Variants in DLGAP2 observed in about 807,000 individuals in gnomAD.
The protein encoded by DLGAP2 is DLG associated protein 2.
Under a neutral mutation model 100.3 loss-of-function variants are expected in DLGAP2, and 26 were observed. That is an observed-to-expected ratio of 0.26 (90% CI 0.19 to 0.36). The LOEUF is 0.36. Among genes scored for constraint, DLGAP2 ranks in the 10% least tolerant of loss-of-function variants. The probability of loss-of-function intolerance (pLI) is 1.00; values close to 1 mark genes in which losing one functional copy is unlikely to be tolerated. For synonymous variants in DLGAP2, 886 were observed against 630.1 expected, an observed-to-expected ratio of 1.41 and a Z score of -6.08; for missense variants, 1,858 against 1,453.2, an observed-to-expected ratio of 1.28 and a Z score of -4.53.
intron 2 of DLGAP2, among the ~76,000 whole-genome samples, chr8:1,142,829 C>G (rs1376669207): frequency 6.6e-6 from 1 of 152,002 alleles, no homozygotes; most frequent in Admixed American, 6.6e-5. Context: ...AGAGACCTGG[C>G]GGGAGGAGGA....
chr8:1,325,082 C>G (rs907875540), intron 3 of DLGAP2, among the ~76,000 whole-genome samples: 13 of 152,164 alleles, frequency 8.5e-5, no homozygotes, highest in African/African-American at 2.9e-4. Context: ...CATCCTTGGC[C>G]TCCACCTCAC....
chr8:1,196,843 C>T (rs752609392), intron 2 of DLGAP2, among the ~76,000 whole-genome samples: 30 of 152,128 alleles, frequency 2.0e-4, no homozygotes, highest in Middle Eastern at 3.4e-3. Context: ...AGGGTTCTCC[C>T]GAAAAGTGAG....
At chr8:951,803 C>G (rs1036165719) in intron 2 of DLGAP2, among the ~76,000 whole-genome samples, 1 of 152,198 alleles carries the variant, frequency 6.6e-6, no homozygotes, top group Non-Finnish European at 1.5e-5. Flanking sequence ...AACTAATGAC[C>G]TTAGTGGCTA....
At position 774,357 on chromosome 8, in the gene DLGAP2, A is replaced by G. The variant is rs1344688597; in HGVS notation, c.18+36532A>G. 2.6e-5 allele frequency among the ~76,000 whole-genome samples: 4 copies of G among 151,998 alleles called. 1 individual carries two copies. In the South Asian group the frequency reaches 6.2e-4, roughly 24 times the overall value. ...TGCAGAAGCTCTTTAGTTTAATTAG[A>G]TCCCATTTGTCAATTTTGGCTTTTG... On this transcript the variant is annotated intron_variant, in intron 1 of 14. Coordinates refer to ENST00000637795, the MANE Select transcript of DLGAP2 (RefSeq NM_001346810.2).
chr8:875,372 G>C (rs139945774), intron 1 of DLGAP2, among the ~76,000 whole-genome samples: 1 of 152,088 alleles, frequency 6.6e-6, no homozygotes, highest in Non-Finnish European at 1.5e-5. Flanking sequence ...TAATCCCCAC[G>C]TGTCATGAGA....
At chr8:1,676,751 T>C in intron 11 of DLGAP2, 133 bp downstream of exon 11, 1 of 851,630 alleles carries the variant, frequency 1.2e-6, no homozygotes, top group South Asian at 1.8e-5. Context: ...ACGTTTATAC[T>C]TTTCCATTGA....
intron 3 of DLGAP2, among the ~76,000 whole-genome samples, chr8:1,433,916 C>G (rs1460392495): frequency 6.6e-6 from 1 of 152,090 alleles, no homozygotes; most frequent in African/African-American, 2.4e-5. Context: ...TCCTTACACT[C>G]TCAGAAACCG....
At chr8:985,833 A>G (rs1369511261) in intron 2 of DLGAP2, among the ~76,000 whole-genome samples, 1 of 152,192 alleles carries the variant, frequency 6.6e-6, no homozygotes, top group African/African-American at 2.4e-5. Context: ...AGCAAGGACC[A>G]CAGGCACAGG....
At chr8:1,408,505 G>T (rs1489986171) in intron 3 of DLGAP2, among the ~76,000 whole-genome samples, 1 of 152,196 alleles carries the variant, frequency 6.6e-6, no homozygotes, top group African/African-American at 2.4e-5. Flanking sequence ...GACCTTCTCT[G>T]GGCCTTGGAT....
intron 3 of DLGAP2, among the ~76,000 whole-genome samples, chr8:1,494,106 C>T (rs1251587293): frequency 6.6e-6 from 1 of 152,236 alleles, no homozygotes. Flanking sequence ...GGAAAGGCTG[C>T]AGGGCCCACA....
chr8:1,625,902 T>G (rs1797478442), intron 6 of DLGAP2, among the ~76,000 whole-genome samples: 1 of 151,150 alleles, frequency 6.6e-6, no homozygotes, highest in South Asian at 2.1e-4. Context: ...ACACAGACAT[T>G]CAGTTGGAAA....
rs539673399 is a variant in DLGAP2 at position 1,632,399 on chromosome 8, T to C, written c.1591-428T>C. Among the ~76,000 whole-genome samples the C allele has an allele frequency of 6.6e-5, 10 of 152,302 alleles. No homozygotes were observed. The South Asian group carries it at 1.7e-3, about 25-fold the overall frequency. ...TATGCACTGAATGTGCTTTCCCTTA[T>C]ACGGCCTCAGTGCCTGGAGCCATCG... On this transcript the variant is annotated intron_variant, in intron 7 of 14. Transcript: ENST00000637795.
intron 3 of DLGAP2, among the ~76,000 whole-genome samples, chr8:1,422,829 G>A (rs574547915): frequency 1.3e-5 from 2 of 152,288 alleles, no homozygotes; most frequent in Non-Finnish European, 2.9e-5. Context: ...GTCTTCAAAT[G>A]TGAGAGCTGC....
At chr8:1,522,197 C>G (rs201303447) in intron 4 of DLGAP2, among the ~76,000 whole-genome samples, 1 of 152,312 alleles carries the variant, frequency 6.6e-6, no homozygotes, top group East Asian at 1.9e-4. Context: ...CGGTGGGGTC[C>G]ACTCAGACCT....
chr8:1,539,736 T>C (rs1369843667), intron 4 of DLGAP2, among the ~76,000 whole-genome samples: 2 of 152,142 alleles, frequency 1.3e-5, no homozygotes, highest in Non-Finnish European at 2.9e-5. Context: ...TTGCATCGCT[T>C]TGCATGTCTA....
intron 3 of DLGAP2, among the ~76,000 whole-genome samples, chr8:1,331,467 A>G (rs1202098746): frequency 6.6e-6 from 1 of 152,242 alleles, no homozygotes; most frequent in Non-Finnish European, 1.5e-5. Context: ...CGGGCAAACA[A>G]CAGACTCCTC....
At chr8:1,330,317 G>C (rs1029770302) in intron 3 of DLGAP2, among the ~76,000 whole-genome samples, 3 of 150,018 alleles carry the variant, frequency 2.0e-5, no homozygotes, top group Admixed American at 1.3e-4. Flanking sequence ...CAGGGACTGA[G>C]TTCTGGGTGG....
At chr8:1,046,321 C>T (rs1367916807) in intron 2 of DLGAP2, among the ~76,000 whole-genome samples, 2 of 152,048 alleles carry the variant, frequency 1.3e-5, no homozygotes, top group Non-Finnish European at 2.9e-5. Context: ...TGCATGTGAC[C>T]GAGGGCCATG....
intron 3 of DLGAP2, chr8:1,377,745 G>C (rs1795992371): frequency 6.6e-6 from 1 of 150,390 alleles, no homozygotes; most frequent in East Asian, 1.9e-4. Flanking sequence ...AATATTGTCA[G>C]CTCTGGTATT....
Sources: gnomAD v4.1 joint callset for allele counts (sites outside exome capture counted in the v4.1 genomes callset) on GRCh38, gnomAD v4.1.1 for gene constraint, MANE v1.5 for transcripts, NCBI Gene and HGNC (gene_info 2026-07-23, HGNC 2026-07-21) for gene names.